NKAIN3: variants seen among roughly 807,000 people sequenced by gnomAD.
NKAIN3 encodes sodium/potassium transporting ATPase interacting 3.
NKAIN3 carries 25 observed loss-of-function variants against 30.2 expected under a neutral mutation model. That is an observed-to-expected ratio of 0.83 (90% CI 0.60 to 1.16). NKAIN3 has a LOEUF of 1.16. Ranked by LOEUF, NKAIN3 falls within the 50% of genes most tolerant of loss-of-function variation. NKAIN3 has a pLI of 0.00. For synonymous variants in NKAIN3, 91 were observed against 89.6 expected, an observed-to-expected ratio of 1.02 and a Z score of -0.09; for missense variants, 225 against 254.1, an observed-to-expected ratio of 0.89 and a Z score of 0.78.
At chr8:62,428,939 T>C (rs536514315) in intron 1 of NKAIN3, among the ~76,000 whole-genome samples, 1 of 152,120 alleles carries the variant, frequency 6.6e-6, no homozygotes, top group Non-Finnish European at 1.5e-5. Flanking sequence ...CAATGTTTTC[T>C]TCTAGTAGTT....
chr8:62,589,838 C>A, intron 3 of NKAIN3, 44 bp downstream of exon 3: 1 of 1,004,674 alleles, frequency 1.0e-6, no homozygotes, highest in Non-Finnish European at 1.6e-6. Flanking sequence ...AATGAGTACA[C>A]TTCTAAGTAT....
intron 4 of NKAIN3, among the ~76,000 whole-genome samples, chr8:62,752,906 T>G (rs1253589409): frequency 6.6e-6 from 1 of 152,200 alleles, no homozygotes; most frequent in Admixed American, 6.5e-5. Context: ...TCAAATTATT[T>G]CTGATGCAGA....
intron 1 of NKAIN3, among the ~76,000 whole-genome samples, chr8:62,461,175 G>A (rs926859879): frequency 2.0e-5 from 3 of 152,196 alleles, no homozygotes; most frequent in African/African-American, 7.2e-5. Flanking sequence ...GAGTCCCTCA[G>A]CAAAGACAGA....
chr8:62,321,596 C>A (rs571143460), intron 1 of NKAIN3, among the ~76,000 whole-genome samples: 1 of 152,344 alleles, frequency 6.6e-6, no homozygotes, highest in East Asian at 1.9e-4. Context: ...GAAGTCCACT[C>A]CAGACCCTGT....
chr8:62,856,013 CA>C (rs1820049666), intron 4 of NKAIN3: 1 of 685,582 alleles, frequency 1.5e-6, no homozygotes, highest in African/African-American at 1.8e-5. Context: ...GGCACATGAA[CA>C]GGGAGGGCCT....
At chr8:62,492,439 A>G (rs1807100268) in intron 1 of NKAIN3, among the ~76,000 whole-genome samples, 2 of 152,054 alleles carry the variant, frequency 1.3e-5, no homozygotes, top group Non-Finnish European at 2.9e-5. Flanking sequence ...TTTTCTTCTT[A>G]TCTTACTGGA....
chr8:62,916,471 T>C (rs1172970179), intron 4 of NKAIN3, among the ~76,000 whole-genome samples: 1 of 152,186 alleles, frequency 6.6e-6, no homozygotes, highest in African/African-American at 2.4e-5. Flanking sequence ...ACTGGTTTAC[T>C]GAATGGGTTG....
At chr8:62,604,538 G>A (rs575289575) in intron 3 of NKAIN3, among the ~76,000 whole-genome samples, 1 of 152,186 alleles carries the variant, frequency 6.6e-6, no homozygotes, top group East Asian at 1.9e-4. Context: ...AACAGATGAA[G>A]CTGAAAAACA....
At chr8:62,576,480 A>T (rs1810112232) in intron 1 of NKAIN3, among the ~76,000 whole-genome samples, 1 of 151,966 alleles carries the variant, frequency 6.6e-6, no homozygotes, top group Admixed American at 6.6e-5. Context: ...TTCTGCCCTC[A>T]TCTGGACCGA....
chr8:62,474,179 A>G (rs960988115), intron 1 of NKAIN3: 2 of 152,196 alleles, frequency 1.3e-5, no homozygotes, highest in African/African-American at 4.8e-5. Context: ...CATGTGATCA[A>G]ACCCCAGAAA....
In NKAIN3 at chr8:62,263,642, G is replaced by A. The variant is rs1271221902; in HGVS notation, c.54+14515G>A. On this transcript the variant is annotated intron_variant, in intron 1 of 6. Coordinates refer to ENST00000623646, the MANE Select transcript of NKAIN3 (RefSeq NM_001304533.3). ...CGTAACTTAATCCAAGTTGGTATATGATTATGATAGTAGCCAAAAATCAGA... is the reference window on the plus strand; with the variant it reads ...CGTAACTTAATCCAAGTTGGTATATAATTATGATAGTAGCCAAAAATCAGA... Among the ~76,000 whole-genome samples the A allele has an allele frequency of 2.0e-5, 3 of 152,074 alleles. No individual in the cohort carries two copies. The East Asian group carries it at 5.8e-4, about 29-fold the overall frequency.
intron 1 of NKAIN3, among the ~76,000 whole-genome samples, chr8:62,453,522 T>TCAAA (rs925356107): frequency 6.6e-6 from 1 of 151,686 alleles, no homozygotes; most frequent in Non-Finnish European, 1.5e-5. Context: ...AAGAAAATAA[T>TCAAA]CAAAACTAGA....
chr8:62,600,471 ATC>A (rs1810956199), intron 3 of NKAIN3, among the ~76,000 whole-genome samples: 1 of 151,976 alleles, frequency 6.6e-6, no homozygotes, highest in Non-Finnish European at 1.5e-5. Flanking sequence ...AGACATTAGT[ATC>A]TTTATTTTAT....
chr8:62,881,827 A>G (rs61644365), intron 4 of NKAIN3, among the ~76,000 whole-genome samples: 46,259 of 152,120 alleles, frequency 0.3, 7,751 homozygotes, highest in East Asian at 0.64. Flanking sequence ...CTTCCAAAGC[A>G]TCTGGACCAT....
intron 1 of NKAIN3, among the ~76,000 whole-genome samples, chr8:62,377,097 A>G (rs1202919477): frequency 6.6e-6 from 1 of 152,200 alleles, no homozygotes; most frequent in Admixed American, 6.5e-5. Flanking sequence ...GTAATGGAAA[A>G]TTAACAATAG....
intron 3 of NKAIN3, among the ~76,000 whole-genome samples, chr8:62,608,013 TA>T (rs1044826806): frequency 3.9e-4 from 59 of 152,268 alleles, no homozygotes; most frequent in Non-Finnish European, 7.2e-4. Context: ...TGTAACTATT[TA>T]AAAAAATTGT....
chr8:62,919,388 G>T (rs1822209092), intron 5 of NKAIN3, among the ~76,000 whole-genome samples: 1 of 151,154 alleles, frequency 6.6e-6, no homozygotes, highest in African/African-American at 2.4e-5. Context: ...GGAACTACAG[G>T]CACCCGCCAC....
chr8:62,704,783 G>T (rs1224408117), intron 3 of NKAIN3, among the ~76,000 whole-genome samples: 1 of 152,164 alleles, frequency 6.6e-6, no homozygotes, highest in Non-Finnish European at 1.5e-5. Flanking sequence ...GAGCATATTT[G>T]TCCAACCACC....
intron 5 of NKAIN3, among the ~76,000 whole-genome samples, chr8:62,923,286 C>T (rs1822335789): frequency 6.6e-6 from 1 of 151,878 alleles, no homozygotes; most frequent in Non-Finnish European, 1.5e-5. Context: ...GATCCTGCCA[C>T]TGCACTCCAG....
Sources: gnomAD v4.1 joint callset for allele counts (sites outside exome capture counted in the v4.1 genomes callset) on GRCh38, gnomAD v4.1.1 for gene constraint, MANE v1.5 for transcripts, NCBI Gene and HGNC (gene_info 2026-07-23, HGNC 2026-07-21) for gene names.